The following GPC5 variants were observed in gnomAD, a reference collection of about 807,000 sequenced individuals.
GPC5 encodes the protein glypican 5, also known as glypican-5.
Under a neutral mutation model 53.9 loss-of-function variants are expected in GPC5, and 47 were observed. That is an observed-to-expected ratio of 0.87 (90% CI 0.69 to 1.11). The LOEUF is 1.11. Ranked by LOEUF, GPC5 falls within the 50% of genes most tolerant of loss-of-function variation. The pLI is 0.00. For missense variants in GPC5, 748 were observed against 713.1 expected (o/e 1.05, Z -0.56); for synonymous variants, 286 against 263.3 (o/e 1.09, Z -0.84).
chr13:91,491,730 C>G (rs771236265), intron 2 of GPC5, among the ~76,000 whole-genome samples: 25 of 152,098 alleles, frequency 1.6e-4, no homozygotes, highest in Non-Finnish European at 3.5e-4. Flanking sequence ...CTGGGCATCC[C>G]CAGTCTCTGC....
intron 7 of GPC5, among the ~76,000 whole-genome samples, chr13:92,767,406 G>A (rs565053898): frequency 1.3e-5 from 2 of 152,168 alleles, no homozygotes; most frequent in African/African-American, 4.8e-5. Context: ...GGGAGGCAGA[G>A]GTTGCAGTGA....
In GPC5 at chr13:92,548,829, A is replaced by G. The variant is rs1462773525; in HGVS notation, c.1562-317453A>G. On this transcript the variant is annotated intron_variant, in intron 7 of 7. Coordinates refer to ENST00000377067, the MANE Select transcript of GPC5 (RefSeq NM_004466.6). Reference sequence around the variant, plus strand: ...ACAAATTGGAAACCCATTTCCCAAGATGTGCATATTTCACATTATATGCCT... The same window carrying G: ...ACAAATTGGAAACCCATTTCCCAAGGTGTGCATATTTCACATTATATGCCT... Among the ~76,000 whole-genome samples the G allele has an allele frequency of 2.0e-5, 3 of 152,246 alleles. No homozygotes were observed. In the East Asian group the frequency reaches 5.8e-4, roughly 29 times the overall value.
At chr13:92,745,128 A>T (rs1290860861) in intron 7 of GPC5, among the ~76,000 whole-genome samples, 1 of 152,144 alleles carries the variant, frequency 6.6e-6, no homozygotes, top group African/African-American at 2.4e-5. Flanking sequence ...TTCAAATTTT[A>T]GCCCAAAATT....
Position 91,552,198 on chromosome 13 carries a change from G to T in GPC5, c.325+103276G>T, listed in dbSNP as rs148721710. 2.4e-4 allele frequency among the ~76,000 whole-genome samples: 36 copies of T among 152,082 alleles called. 1 individual carries two copies. Among genetic ancestry groups the T allele is most frequent in the African/African-American group, 7.9e-4 (33 of 41,516 alleles). On this transcript the variant is annotated intron_variant, in intron 2 of 7. Coordinates refer to ENST00000377067, the MANE Select transcript of GPC5 (RefSeq NM_004466.6). Reference sequence around the variant, plus strand: ...AAGAAGGTTGTTAATTGCCCCAGTGGTATGGCTGAGGTCTTATTCTATGCT... The same window carrying T: ...AAGAAGGTTGTTAATTGCCCCAGTGTTATGGCTGAGGTCTTATTCTATGCT...
intron 7 of GPC5, among the ~76,000 whole-genome samples, chr13:92,441,792 A>G (rs1877578916): frequency 6.6e-6 from 1 of 152,212 alleles, no homozygotes; most frequent in African/African-American, 2.4e-5. Context: ...CACTATTCCT[A>G]TCAAACTACC....
intron 7 of GPC5, among the ~76,000 whole-genome samples, chr13:92,381,906 TATGATATATATA>T (rs1172875490): frequency 6.6e-5 from 9 of 136,428 alleles, no homozygotes; most frequent in African/African-American, 1.7e-4. Flanking sequence ...TAATCATATA[TATGATATATATA>T]ATCATATATA....
chr13:92,021,340 T>C (rs576819020), intron 6 of GPC5, among the ~76,000 whole-genome samples: 2 of 152,300 alleles, frequency 1.3e-5, no homozygotes, highest in South Asian at 4.1e-4. Context: ...TGGATGAGCC[T>C]AGAGGACATT....
intron 7 of GPC5, among the ~76,000 whole-genome samples, chr13:92,365,374 C>A (rs1193370706): frequency 5.3e-5 from 8 of 151,748 alleles, no homozygotes; most frequent in Admixed American, 5.2e-4. Context: ...ATGAATGGAG[C>A]TTGCAAGACT....
At chr13:92,744,402 T>G (rs11842684) in intron 7 of GPC5, among the ~76,000 whole-genome samples, 10,628 of 151,614 alleles carry the variant, frequency 0.07, 417 homozygotes, top group South Asian at 0.12. Flanking sequence ...GATTTGGAAC[T>G]GAGGAAAGAG....
chr13:91,970,124 C>G (rs9589384), intron 6 of GPC5, among the ~76,000 whole-genome samples: 9,906 of 152,178 alleles, frequency 0.065, 1,103 homozygotes, highest in African/African-American at 0.22. Context: ...TTTGCAACAA[C>G]ATGGATGAGC....
intron 7 of GPC5, among the ~76,000 whole-genome samples, chr13:92,769,119 T>A (rs1242627389): frequency 6.6e-6 from 1 of 152,208 alleles, no homozygotes; most frequent in Non-Finnish European, 1.5e-5. Flanking sequence ...CTCAAGTGAA[T>A]AAGATGGATG....
chr13:91,792,471 G>A (rs1266056301), intron 5 of GPC5, among the ~76,000 whole-genome samples: 2 of 152,186 alleles, frequency 1.3e-5, no homozygotes, highest in Admixed American at 6.5e-5. Context: ...AAATTCTACT[G>A]ATAGGGCATT....
chr13:92,261,490 A>G (rs1049614257), intron 7 of GPC5, among the ~76,000 whole-genome samples: 3 of 152,112 alleles, frequency 2.0e-5, no homozygotes, highest in Non-Finnish European at 4.4e-5. Context: ...TAAAAGGATA[A>G]TGCCTTCACC....
At chr13:92,541,380 T>C (rs939613633) in intron 7 of GPC5, among the ~76,000 whole-genome samples, 21 of 151,916 alleles carry the variant, frequency 1.4e-4, no homozygotes, top group Non-Finnish European at 2.5e-4. Flanking sequence ...AAACATAAAC[T>C]TGGATGAAAT....
rs139899861 is a variant in GPC5, at chr13:92,357,124, G to T, written c.1561+212135G>T. Among the ~76,000 whole-genome samples, 23 of 151,688 alleles carry T rather than the reference G, an allele frequency of 1.5e-4. 1 individual carries two copies. Among genetic ancestry groups the T allele is most frequent in the Admixed American group, 1.5e-3 (23 of 15,264 alleles). On this transcript the variant is annotated intron_variant, in intron 7 of 7. Transcript: ENST00000377067. ...TCTTTATCCAATGTATCATTGATGGGCATTTGGATTGATTCCATGTCTTCG... is the reference window on the plus strand; with the variant it reads ...TCTTTATCCAATGTATCATTGATGGTCATTTGGATTGATTCCATGTCTTCG...
chr13:92,104,472 GA>G (rs1340470689), intron 6 of GPC5, among the ~76,000 whole-genome samples: 1 of 152,078 alleles, frequency 6.6e-6, no homozygotes, highest in Non-Finnish European at 1.5e-5. Context: ...CTAACAACTT[GA>G]ATATGTTTTA....
chr13:91,694,596 A>T (rs2035839709), intron 3 of GPC5, among the ~76,000 whole-genome samples: 2 of 152,356 alleles, frequency 1.3e-5, no homozygotes, highest in East Asian at 3.9e-4. Context: ...ATTTTTCTAA[A>T]TATTCACTGG....
At chr13:91,866,057 G>A (rs1469411147) in intron 5 of GPC5, among the ~76,000 whole-genome samples, 1 of 152,006 alleles carries the variant, frequency 6.6e-6, no homozygotes, top group African/African-American at 2.4e-5. Flanking sequence ...AGTAGAGATG[G>A]GGGTTTCTCC....
At chr13:92,245,113 C>T (rs1203585821) in intron 7 of GPC5, among the ~76,000 whole-genome samples, 1 of 151,918 alleles carries the variant, frequency 6.6e-6, no homozygotes, top group East Asian at 1.9e-4. Context: ...TGCTGGGACA[C>T]TTGTCTCTTG....
Sources: gnomAD v4.1 joint callset for allele counts (sites outside exome capture counted in the v4.1 genomes callset) on GRCh38, gnomAD v4.1.1 for gene constraint, MANE v1.5 for transcripts, NCBI Gene and HGNC (gene_info 2026-07-23, HGNC 2026-07-21) for gene names.